PPA2: variants seen among roughly 807,000 people sequenced by gnomAD.
The protein encoded by PPA2 is inorganic pyrophosphatase 2, mitochondrial.
In PPA2, 48 loss-of-function variants were observed where a neutral mutation model predicts 49.5. The ratio of observed to expected loss-of-function variants is 0.97; its 90% CI spans 0.77 to 1.23. PPA2 has a LOEUF of 1.23. Among genes scored for constraint, PPA2 ranks in the 50% most tolerant of loss-of-function variants. PPA2 has a pLI of 0.00. For missense variants in PPA2, 429 were observed against 410.1 expected (o/e 1.05, Z -0.40); for synonymous variants, 131 against 139.9 (o/e 0.94, Z 0.45).
At chr4:105,411,031 A>C (rs2466916) in intron 7 of PPA2, among the ~76,000 whole-genome samples, 89,983 of 152,040 alleles carry the variant, frequency 0.59, 26,737 homozygotes, top group East Asian at 0.68. Flanking sequence ...ACCAGCTAAC[A>C]TTATAACGAC....
intron 9 of PPA2, 114 bp downstream of exon 9, chr4:105,396,131 GTAGA>G (rs1434884521): frequency 1.5e-5 from 8 of 548,784 alleles, no homozygotes; most frequent in African/African-American, 9.6e-5. Flanking sequence ...CAATGAATAG[GTAGA>G]TAATCTGTAT....
At chr4:105,473,835 C>T in intron 1 of PPA2, 59 bp downstream of exon 1, 2 of 1,557,196 alleles carry the variant, frequency 1.3e-6, no homozygotes, top group Non-Finnish European at 1.7e-6. Context: ...GTCCCCCATT[C>T]CATCCCCCAC....
At chr4:105,463,957 G>T (rs1723196189) in intron 1 of PPA2, among the ~76,000 whole-genome samples, 1 of 152,204 alleles carries the variant, frequency 6.6e-6, no homozygotes, top group African/African-American at 2.4e-5. Flanking sequence ...GGAAATATGA[G>T]GTCGGGGCCC....
intron 10 of PPA2, among the ~76,000 whole-genome samples, chr4:105,379,620 C>T (rs1014393338): frequency 1.3e-4 from 18 of 143,988 alleles, no homozygotes; most frequent in African/African-American, 4.6e-4. Flanking sequence ...CCCGCCACCA[C>T]GCCTGGCTAA....
chr4:105,449,432 A>C, intron 3 of PPA2, 29 bp from the exon 4 acceptor site: 1 of 1,456,514 alleles, frequency 6.9e-7, no homozygotes, highest in Non-Finnish European at 9.4e-7. Flanking sequence ...CAAAGAGAGA[A>C]CATTAAAAAT....
chr4:105,378,382 A>G (rs56256811), intron 10 of PPA2, among the ~76,000 whole-genome samples: 18,532 of 152,048 alleles, frequency 0.12, 1,181 homozygotes, highest in African/African-American at 0.15. Flanking sequence ...AAAAAATTCT[A>G]TTTTTGGGTC....
chr4:105,450,928 G>T (rs1415674288), intron 3 of PPA2, among the ~76,000 whole-genome samples: 2 of 152,076 alleles, frequency 1.3e-5, no homozygotes, highest in Non-Finnish European at 2.9e-5. Flanking sequence ...AACGATTCAT[G>T]TTGATTGCAT....
chr4:105,466,920 T>C (rs1472686713), intron 1 of PPA2, among the ~76,000 whole-genome samples: 1 of 152,178 alleles, frequency 6.6e-6, no homozygotes, highest in Non-Finnish European at 1.5e-5. Context: ...GGAGGTCACA[T>C]ACCAAACTCT....
chr4:105,422,954 T>G (rs1040992103), intron 7 of PPA2, among the ~76,000 whole-genome samples: 1 of 152,210 alleles, frequency 6.6e-6, no homozygotes, highest in African/African-American at 2.4e-5. Context: ...GATGATTTGT[T>G]TCGGCTGCCT....
intron 10 of PPA2, among the ~76,000 whole-genome samples, chr4:105,376,274 T>G (rs1168556944): frequency 6.6e-6 from 1 of 152,242 alleles, no homozygotes; most frequent in African/African-American, 2.4e-5. Context: ...CTTTTTACAA[T>G]TCAGCTAAGA....
intron 9 of PPA2, among the ~76,000 whole-genome samples, 170 bp from the exon 10 acceptor site, chr4:105,386,806 A>G (rs915849518): frequency 2.0e-5 from 3 of 152,218 alleles, no homozygotes; most frequent in Non-Finnish European, 4.4e-5. Context: ...ATATTCTTTC[A>G]GGCAAGGTTC....
At chr4:105,381,994 C>T (rs1560604939) in intron 10 of PPA2, among the ~76,000 whole-genome samples, 1 of 151,672 alleles carries the variant, frequency 6.6e-6, no homozygotes. Context: ...TTAAGTTGAA[C>T]TTCTATAATT....
rs74285088 is a variant in PPA2, at chr4:105,393,162, G to A, written c.869+3087C>T. On this transcript the variant is annotated intron_variant, in intron 9 of 11. Transcript: ENST00000341695. Reference sequence around the variant, plus strand: ...AAGAAAGGTTATCTAAATCTTGGACGGCCTTGTTTGTTTTTCCATGAGAAC... The same window carrying A: ...AAGAAAGGTTATCTAAATCTTGGACAGCCTTGTTTGTTTTTCCATGAGAAC... 8.0e-4 allele frequency among the ~76,000 whole-genome samples: 121 copies of A among 152,158 alleles called. 1 individual carries two copies. The East Asian group carries it at 0.02, about 25-fold the overall frequency.
At chr4:105,412,324 C>T (rs1274803819) in intron 7 of PPA2, among the ~76,000 whole-genome samples, 1 of 152,070 alleles carries the variant, frequency 6.6e-6, no homozygotes, top group Non-Finnish European at 1.5e-5. Flanking sequence ...AAAAACCTGA[C>T]AAAAACAAGC....
intron 3 of PPA2, among the ~76,000 whole-genome samples, chr4:105,450,062 C>G (rs1367619612): frequency 6.6e-6 from 1 of 151,622 alleles, no homozygotes; most frequent in Non-Finnish European, 1.5e-5. Flanking sequence ...AATTTCTGAA[C>G]TTTGTAGAAT....
At chr4:105,389,059 T>C (rs1208169711) in intron 9 of PPA2, among the ~76,000 whole-genome samples, 3 of 152,140 alleles carry the variant, frequency 2.0e-5, no homozygotes, top group Admixed American at 6.6e-5. Flanking sequence ...TAAGAACATA[T>C]ATGTATGTAA....
intron 1 of PPA2, chr4:105,473,462 G>A (rs765591157): frequency 5.2e-6 from 2 of 382,512 alleles, no homozygotes; most frequent in South Asian, 2.0e-5. Context: ...CGCAGTAGGA[G>A]GTTTCTTACG....
intron 4 of PPA2, among the ~76,000 whole-genome samples, chr4:105,447,115 T>C (rs561176799): frequency 4.6e-5 from 7 of 152,184 alleles, no homozygotes; most frequent in South Asian, 2.1e-4. Flanking sequence ...TCAAAAAACA[T>C]TGGAAATAAT....
At chr4:105,443,826 C>T (rs190882345) in intron 5 of PPA2, among the ~76,000 whole-genome samples, 79 of 152,224 alleles carry the variant, frequency 5.2e-4, no homozygotes, top group Non-Finnish European at 1.0e-3. Flanking sequence ...GACCTTTATA[C>T]TTGCTGTTTC....
Sources: gnomAD v4.1 joint callset for allele counts (sites outside exome capture counted in the v4.1 genomes callset) on GRCh38, gnomAD v4.1.1 for gene constraint, MANE v1.5 for transcripts, NCBI Gene and HGNC (gene_info 2026-07-23, HGNC 2026-07-21) for gene names.